Variants in ADGRG7 observed in about 807,000 individuals in gnomAD.
The protein encoded by ADGRG7 is adhesion G protein-coupled receptor G7, also known as G-protein coupled receptor 128.
In ADGRG7, 82 loss-of-function variants were observed where a neutral mutation model predicts 88.6. That is an observed-to-expected ratio of 0.93 (90% CI 0.77 to 1.11). The LOEUF (loss-of-function observed/expected upper bound fraction) is 1.11, where lower values mean the gene tolerates loss of function less well. ADGRG7 is among the 50% of genes most tolerant of loss of function. The pLI is 0.00. For missense variants in ADGRG7, 945 were observed against 953.4 expected (o/e 0.99, Z 0.12); for synonymous variants, 381 against 345.2 (o/e 1.10, Z -1.15).
At chr3:100,665,249 ATG>A (rs1208083166) in intron 14 of ADGRG7, 2 of 540,394 alleles carry the variant, frequency 3.7e-6, no homozygotes, top group Non-Finnish European at 7.6e-6. Context: ...CCCATCCATT[ATG>A]TTGATATTTA....
intron 15 of ADGRG7, among the ~76,000 whole-genome samples, chr3:100,675,544 C>T (rs1410582730): frequency 6.6e-6 from 1 of 151,958 alleles, no homozygotes; most frequent in African/African-American, 2.4e-5. Context: ...GATGCATTGG[C>T]CTGTAGTTTC....
At position 100,635,814 on chromosome 3, in the gene ADGRG7, T is replaced by C. The variant is rs368713866; in HGVS notation, c.585T>C (p.Asn195=). The change falls in exon 5 of 16, where the codon AAT becomes AAC. Residue 195 remains asparagine, a synonymous_variant. Coordinates refer to ENST00000273352, the MANE Select transcript of ADGRG7 (RefSeq NM_032787.3). ...VVGQIFNTSR[N]ASPEAKKVAI... ...GACAGATATTCAACACTTCCAGAAA[T>C]GCTTCACCTGAGGTAAAACTCACAG... 1.2e-6 allele frequency: 2 copies of C among 1,611,084 alleles called. No homozygotes were observed. Among genetic ancestry groups the C allele is most frequent in the Non-Finnish European group, 1.7e-6 (2 of 1,179,214 alleles).
At chr3:100,659,901 G>C in intron 14 of ADGRG7, 58 bp downstream of exon 14, 1 of 1,501,424 alleles carries the variant, frequency 6.7e-7, no homozygotes. Flanking sequence ...ACTTAACGCA[G>C]CACCATAACA....
intron 5 of ADGRG7, 35 bp from the exon 6 acceptor site, chr3:100,637,267 T>C: frequency 7.6e-7 from 1 of 1,322,118 alleles, no homozygotes; most frequent in Non-Finnish European, 1.1e-6. Flanking sequence ...GTATGATATA[T>C]GCTTCTCTGA....
intron 15 of ADGRG7, among the ~76,000 whole-genome samples, chr3:100,689,807 A>T (rs1021836097): frequency 1.3e-5 from 2 of 151,818 alleles, no homozygotes; most frequent in African/African-American, 4.8e-5. Flanking sequence ...TGCCCTTAAC[A>T]TTTTTTCCTT....
intron 15 of ADGRG7, among the ~76,000 whole-genome samples, chr3:100,684,815 T>C (rs1212363618): frequency 6.6e-6 from 1 of 152,084 alleles, no homozygotes; most frequent in African/African-American, 2.4e-5. Flanking sequence ...CTACAACTTA[T>C]AAGATACAAA....
intron 15 of ADGRG7, among the ~76,000 whole-genome samples, chr3:100,690,887 T>C (rs2094992343): frequency 6.6e-6 from 1 of 152,214 alleles, no homozygotes; most frequent in Admixed American, 6.5e-5. Context: ...CACTACTCTC[T>C]TCAAAGCTGT....
At chr3:100,654,767 A>T in intron 11 of ADGRG7, 68 bp from the exon 12 acceptor site, 2 of 946,434 alleles carry the variant, frequency 2.1e-6, no homozygotes, top group Non-Finnish European at 3.1e-6. Context: ...CAGAAATTTC[A>T]CTGCAGTTTG....
chr3:100,636,299 A>G (rs1214344942), intron 5 of ADGRG7, among the ~76,000 whole-genome samples: 3 of 152,252 alleles, frequency 2.0e-5, no homozygotes, highest in Non-Finnish European at 4.4e-5. Context: ...TTTACCAACT[A>G]CATTTGACCT....
At position 100,643,592 on chromosome 3, in the gene ADGRG7, A is replaced by G; in HGVS notation, c.905A>G (p.Asp302Gly). 1 of 1,613,990 alleles carries G rather than the reference A, an allele frequency of 6.2e-7. No individual in the cohort carries two copies. The highest frequency in any genetic ancestry group is 8.5e-7 in the Non-Finnish European group (1 of 1,179,908). ...IHTNVDGLNP[D>G]AQTELQVLLN... ...ACAAATGTGGATGGCCTTAACCCAG[A>G]TGCACAGACTGAGCTTCAGGTCTTG... The change falls in exon 8 of 16, where the codon GAT becomes GGT. Residue 302 changes from aspartate (D) to glycine (G), a missense_variant. By Grantham distance (94) the Asp-to-Gly change is moderately conservative. Coordinates refer to ENST00000273352, the MANE Select transcript of ADGRG7 (RefSeq NM_032787.3).
intron 4 of ADGRG7, among the ~76,000 whole-genome samples, chr3:100,635,045 G>A (rs532982180): frequency 1.3e-4 from 19 of 149,624 alleles, no homozygotes; most frequent in Admixed American, 7.9e-4. Context: ...ACACACGTGC[G>A]CGCGCATGGA....
chr3:100,665,295 G>A (rs999254357), intron 14 of ADGRG7: 1 of 540,732 alleles, frequency 1.8e-6, no homozygotes, highest in African/African-American at 1.9e-5. Context: ...TTGTCGTTCA[G>A]GTAGTTCATC....
intron 1 of ADGRG7, among the ~76,000 whole-genome samples, chr3:100,617,089 T>C (rs1199457557): frequency 6.6e-6 from 1 of 151,942 alleles, no homozygotes; most frequent in Admixed American, 6.6e-5. Flanking sequence ...ACTTTTCAAG[T>C]AGGCAAAGCA....
intron 14 of ADGRG7, among the ~76,000 whole-genome samples, chr3:100,667,086 CT>C (rs969525998): frequency 3.3e-5 from 5 of 152,090 alleles, no homozygotes; most frequent in African/African-American, 9.7e-5. Flanking sequence ...ATCTCTCTTG[CT>C]TTTCCCCACA....
At chr3:100,690,284 T>C (rs887002617) in intron 15 of ADGRG7, among the ~76,000 whole-genome samples, 1 of 152,222 alleles carries the variant, frequency 6.6e-6, no homozygotes, top group Non-Finnish European at 1.5e-5. Flanking sequence ...TCTAATTTTT[T>C]TTCAAGGTTT....
chr3:100,635,270 G>T (rs376850096), intron 4 of ADGRG7, among the ~76,000 whole-genome samples: 1 of 152,164 alleles, frequency 6.6e-6, no homozygotes. Context: ...TAAAAAATAT[G>T]TATAAAATAC....
intron 1 of ADGRG7, among the ~76,000 whole-genome samples, chr3:100,626,481 A>T (rs1326766509): frequency 6.6e-6 from 1 of 152,106 alleles, no homozygotes; most frequent in Non-Finnish European, 1.5e-5. Flanking sequence ...ATTTATTTAG[A>T]TCTTTTAAAA....
At chr3:100,629,393 C>T (rs1707425545) in intron 1 of ADGRG7, among the ~76,000 whole-genome samples, 1 of 151,884 alleles carries the variant, frequency 6.6e-6, no homozygotes, top group Non-Finnish European at 1.5e-5. Context: ...CTACATCTTT[C>T]TGGTATCCAT....
chr3:100,665,489 G>A (rs777569906), intron 14 of ADGRG7: 18 of 513,248 alleles, frequency 3.5e-5, no homozygotes, highest in East Asian at 1.7e-4. Flanking sequence ...CCTTTCCGCC[G>A]TCAGTGGCCT....
Sources: allele counts gnomAD v4.1 joint callset (sites outside exome capture counted in the v4.1 genomes callset), GRCh38; gene constraint gnomAD v4.1.1; transcripts MANE v1.5; gene names NCBI Gene and HGNC (gene_info 2026-07-23, HGNC 2026-07-21).